Variants in CCDC186 observed in about 807,000 individuals in gnomAD.
The protein encoded by CCDC186 is coiled-coil domain containing 186, also known as coiled-coil domain-containing protein 186.
Under a neutral mutation model 113.7 loss-of-function variants are expected in CCDC186, and 49 were observed. The observed-to-expected ratio is 0.43, with a 90% CI of 0.34 to 0.55. The LOEUF (loss-of-function observed/expected upper bound fraction) is 0.55. CCDC186 is among the 20% of genes least tolerant of loss of function. CCDC186 has a pLI of 0.02. For synonymous variants in CCDC186, 355 were observed against 345.8 expected (o/e 1.03, Z -0.30); for missense variants, 890 against 1,011.1 (o/e 0.88, Z 1.62).
At chr10:114,158,217 T>C (rs995464180) in intron 2 of CCDC186, among the ~76,000 whole-genome samples, 8 of 152,250 alleles carry the variant, frequency 5.3e-5, no homozygotes, top group African/African-American at 1.9e-4. Context: ...TGAAAAGTCT[T>C]GCTTCAGATT....
Position 114,157,625 on chromosome 10 carries a change from T to C in CCDC186, c.688A>G (p.Lys230Glu), listed in dbSNP as rs1260163424. ...QELFVDICSE[K>E]DNLREELKKR... ...TTTAGTTCTTCTCTTAAATTGTCTT[T>C]TTCTGAACAAATGTCTACGAAGAGC... Residue 230 changes from lysine to glutamate, a missense_variant, in exon 3 of 16, where the codon AAA becomes GAA. Transcript: ENST00000369287. 5 of 1,610,100 alleles carry C rather than the reference T, an allele frequency of 3.1e-6. No homozygotes were observed. Among genetic ancestry groups the C allele is most frequent in the Non-Finnish European group, 4.2e-6 (5 of 1,178,312 alleles).
chr10:114,144,561 T>G lies in CCDC186; in HGVS notation c.1157A>C (p.Asn386Thr). The G allele has an allele frequency of 6.2e-7, 1 of 1,613,164 alleles. No homozygotes were observed. The highest frequency in any genetic ancestry group is 8.5e-7 in the Non-Finnish European group (1 of 1,179,328). Residue 386 changes from asparagine (N) to threonine (T), a missense_variant, in exon 6 of 16, where the codon AAC becomes ACC. Physicochemically the swap from Asn to Thr is moderately conservative, Grantham distance 65 (BLOSUM62 0). Transcript: ENST00000369287. Reference sequence around the variant, plus strand: ...CCACTTTACTTTGATGACGTGAGAGTTAATGTCTTCCTTTAATTTGTCTAT... The same window carrying G: ...CCACTTTACTTTGATGACGTGAGAGGTAATGTCTTCCTTTAATTTGTCTAT... The part of the protein sequence containing the change: ...REIDKLKEDI[N>T]SHVIKVKWAQ...
intron 14 of CCDC186, 135 bp from the exon 15 acceptor site, chr10:114,126,240 TCTC>T (rs2030896426): frequency 3.0e-6 from 2 of 662,834 alleles, no homozygotes; most frequent in Non-Finnish European, 5.0e-6. Context: ...AGAAAAGAAT[TCTC>T]CTTATTCAGA....
intron 5 of CCDC186, 45 bp from the exon 6 acceptor site, chr10:114,144,661 AT>A: frequency 6.7e-7 from 1 of 1,501,926 alleles, no homozygotes; most frequent in Non-Finnish European, 9.1e-7. Flanking sequence ...TATAGAATCA[AT>A]TAATTATATC....
rs1241237074 is a variant in CCDC186, at chr10:114,120,994, A to G, written c.*4149T>C. The G allele has an allele frequency of 2.6e-5, 4 of 152,216 alleles. No homozygotes were observed. The highest frequency in any genetic ancestry group is 2.6e-4 in the Admixed American group (4 of 15,278). 9.4% of individuals were successfully genotyped at this position (152,216 alleles called of 1,614,324 possible). A position where few individuals can be genotyped will look rare whatever the true frequency, so the allele number is the denominator to read the frequency against. On this transcript the variant is annotated 3_prime_UTR_variant, in exon 16 of 16. Coordinates refer to ENST00000369287, the MANE Select transcript of CCDC186 (RefSeq NM_018017.4). ...TTAAAGGTATCTGTACAATACACAC[A>G]CACACACATATATATATGTCCTCTG...
In CCDC186 at chr10:114,125,067, A is replaced by G; in HGVS notation, c.*76T>C. On this transcript the variant is annotated 3_prime_UTR_variant, in exon 16 of 16. Coordinates refer to ENST00000369287, the MANE Select transcript of CCDC186 (RefSeq NM_018017.4). ...TACTGGCTGAAACAAAAAGTGGAACAAAGTCTCCAACAATAGAGGTCAGTG... is the reference window on the plus strand; with the variant it reads ...TACTGGCTGAAACAAAAAGTGGAACGAAGTCTCCAACAATAGAGGTCAGTG... 3.8e-6 allele frequency: 4 copies of G among 1,062,568 alleles called. No individual in the cohort carries two copies. The highest frequency in any genetic ancestry group is 2.1e-4 in the Middle Eastern group (1 of 4,814). 65.8% of individuals were successfully genotyped at this position (1,062,568 alleles called of 1,614,324 possible). A position where few individuals can be genotyped will look rare whatever the true frequency, so the allele number is the denominator to read the frequency against.
chr10:114,167,582 G>A (rs527508200), intron 1 of CCDC186, among the ~76,000 whole-genome samples: 3 of 152,082 alleles, frequency 2.0e-5, no homozygotes, highest in Non-Finnish European at 2.9e-5. Flanking sequence ...AAGGGGAGCC[G>A]TCATCGAGGC....
intron 13 of CCDC186, among the ~76,000 whole-genome samples, chr10:114,129,674 C>T (rs932954155): frequency 2.0e-5 from 3 of 152,002 alleles, no homozygotes; most frequent in Non-Finnish European, 2.9e-5. Flanking sequence ...GGATTGCAGG[C>T]GTGAGCTACC....
In CCDC186 at chr10:114,124,432, A is replaced by G. The variant is rs193162602; in HGVS notation, c.*711T>C. On this transcript the variant is annotated 3_prime_UTR_variant, in exon 16 of 16. Coordinates refer to ENST00000369287, the MANE Select transcript of CCDC186 (RefSeq NM_018017.4). ...ATATAAGTAAACACAGGAATTTTCT[A>G]AATTAATATGTAATTTAAAATCATA... 9.2e-5 allele frequency: 14 copies of G among 152,334 alleles called. No homozygotes were observed. The East Asian group carries it at 2.7e-3, about 29-fold the overall frequency. 9.4% of individuals were successfully genotyped at this position (152,334 alleles called of 1,614,324 possible). A position where few individuals can be genotyped will look rare whatever the true frequency, so the allele number is the denominator to read the frequency against.
Position 114,162,823 on chromosome 10 carries a change from A to G in CCDC186, c.446T>C (p.Phe149Ser), listed in dbSNP as rs139418808. 4.3e-4 allele frequency: 686 copies of G among 1,613,596 alleles called. No homozygotes were observed. The highest frequency in any genetic ancestry group is 5.6e-4 in the Non-Finnish European group (660 of 1,179,886). Residue 149 changes from phenylalanine (F) to serine (S), a missense_variant, in exon 2 of 16, where the codon TTT (phenylalanine) becomes TCT (serine). Transcript: ENST00000369287. The part of the protein sequence containing the change: ...SPYDTDCTKK[F>S]ISKIKSVSAS... ...TGAAACGCTCTTTATTTTTGAAATA[A>G]ATTTCTTGGTGCAGTCTGTATCATA...
At chr10:114,125,347 G>A in intron 15 of CCDC186, 121 bp from the exon 16 acceptor site, 2 of 634,506 alleles carry the variant, frequency 3.2e-6, no homozygotes, top group Non-Finnish European at 5.3e-6. Flanking sequence ...AGTCCTAAAT[G>A]CTATGTCAGA....
intron 1 of CCDC186, 47 bp downstream of exon 1, chr10:114,173,968 G>C: frequency 2.2e-6 from 1 of 462,988 alleles, no homozygotes; most frequent in Non-Finnish European, 4.4e-6. Flanking sequence ...CCACCGCACC[G>C]CCACCGCGAC....
At chr10:114,149,987 G>A (rs1376350324) in intron 4 of CCDC186, among the ~76,000 whole-genome samples, 2 of 152,108 alleles carry the variant, frequency 1.3e-5, no homozygotes, top group Non-Finnish European at 2.9e-5. Flanking sequence ...GTACAAAAGG[G>A]TTCAGAACTG....
rs929897841 is a variant in CCDC186 at position 114,125,003 on chromosome 10, G to C, written c.*140C>G. 1.8e-5 allele frequency: 11 copies of C among 597,130 alleles called. No individual in the cohort carries two copies. The highest frequency in any genetic ancestry group is 2.6e-4 in the Middle Eastern group (1 of 3,790). 37.0% of individuals were successfully genotyped at this position (597,130 alleles called of 1,614,324 possible). A position where few individuals can be genotyped will look rare whatever the true frequency, so the allele number is the denominator to read the frequency against. ...CAGCAATGCATTCATATTGTAAAAG[G>C]GTATTTTTTTGTGTACAGATGAAGC... On this transcript the variant is annotated 3_prime_UTR_variant, in exon 16 of 16. Coordinates refer to ENST00000369287, the MANE Select transcript of CCDC186 (RefSeq NM_018017.4).
chr10:114,144,736 C>T (rs2031583525), intron 5 of CCDC186, 120 bp from the exon 6 acceptor site: 2 of 811,222 alleles, frequency 2.5e-6, no homozygotes, highest in Non-Finnish European at 1.8e-6. Context: ...CACACTATAG[C>T]CCACAGACTA....
Position 114,135,050 on chromosome 10 carries a change from T to C in CCDC186, c.1518A>G (p.Lys506=), listed in dbSNP as rs1178190964. ...DELRTLRTKV[K]CLEDERLRTE... ...TTCTTAATCGTTCATCTTCTAGACA[T>C]TTCACCTATCAAATGATCACAACCA... Residue 506 remains lysine, a synonymous_variant, in exon 10 of 16, where the codon AAA becomes AAG. Coordinates refer to ENST00000369287, the MANE Select transcript of CCDC186 (RefSeq NM_018017.4). The C allele has an allele frequency of 6.2e-7, 1 of 1,604,640 alleles. No homozygotes were observed. The highest frequency in any genetic ancestry group is 8.5e-7 in the Non-Finnish European group (1 of 1,177,620).
At chr10:114,167,423 G>A (rs1309767581) in intron 1 of CCDC186, among the ~76,000 whole-genome samples, 2 of 152,120 alleles carry the variant, frequency 1.3e-5, no homozygotes, top group Admixed American at 1.3e-4. Flanking sequence ...AGCAGATGGG[G>A]AGAAAAAGCA....
intron 2 of CCDC186, chr10:114,162,305 G>C (rs749754294): frequency 1.2e-5 from 2 of 167,108 alleles, no homozygotes; most frequent in Non-Finnish European, 2.5e-5. Flanking sequence ...AAAAGTTGTG[G>C]AATTTTATGA....
At chr10:114,155,717 C>T (rs893848696) in intron 3 of CCDC186, among the ~76,000 whole-genome samples, 2 of 152,004 alleles carry the variant, frequency 1.3e-5, no homozygotes, top group Non-Finnish European at 2.9e-5. Flanking sequence ...ATAAAAATTA[C>T]AAACAAGTGA....
Sources: allele counts gnomAD v4.1 joint callset (sites outside exome capture counted in the v4.1 genomes callset), GRCh38; gene constraint gnomAD v4.1.1; transcripts MANE v1.5; gene names NCBI Gene and HGNC (gene_info 2026-07-23, HGNC 2026-07-21).